MYO9A: variants seen among roughly 807,000 people sequenced by gnomAD.
The protein encoded by MYO9A is myosin IXA, also known as unconventional myosin-IXa.
In MYO9A, 103 loss-of-function variants were observed where a neutral mutation model predicts 293.3. The ratio of observed to expected loss-of-function variants is 0.35; its 90% CI spans 0.30 to 0.41. The LOEUF (loss-of-function observed/expected upper bound fraction) is 0.41, where lower values mean the gene tolerates loss of function less well. Among genes scored for constraint, MYO9A ranks in the 10% least tolerant of loss-of-function variants. The pLI, the probability that MYO9A is intolerant of heterozygous loss-of-function variation, is 1.00. For synonymous variants in MYO9A, 1,001 were observed against 1,035.7 expected (o/e 0.97, Z 0.64); for missense variants, 2,685 against 3,033.0 (o/e 0.89, Z 2.69).
intron 12 of MYO9A, among the ~76,000 whole-genome samples, chr15:71,974,729 A>G: frequency 6.6e-6 from 1 of 152,200 alleles, no homozygotes; most frequent in Non-Finnish European, 1.5e-5. Context: ...GAATGCAACT[A>G]CTACTTTTCC....
intron 1 of MYO9A, among the ~76,000 whole-genome samples, chr15:72,050,160 G>GCT (rs764767521): frequency 7.1e-6 from 1 of 141,002 alleles, no homozygotes; most frequent in Non-Finnish European, 1.6e-5. Context: ...TTTTTGTTTT[G>GCT]TTTTTTTTTT....
At chr15:71,900,834 G>A (rs574279954) in intron 23 of MYO9A, among the ~76,000 whole-genome samples, 76 of 152,234 alleles carry the variant, frequency 5.0e-4, no homozygotes, top group South Asian at 1.5e-3. Context: ...TCCAAAATGA[G>A]TGTCTAAAAC....
At chr15:72,008,029 G>A in intron 7 of MYO9A, 77 bp from the exon 8 acceptor site, 2 of 1,494,202 alleles carry the variant, frequency 1.3e-6, no homozygotes, top group Non-Finnish European at 1.8e-6. Flanking sequence ...TTCTAGTTAA[G>A]CAAATTAACC....
chr15:71,880,694 A>G (rs557105289), intron 28 of MYO9A, 136 bp from the exon 29 acceptor site: 7 of 746,990 alleles, frequency 9.4e-6, no homozygotes, highest in Non-Finnish European at 1.5e-5. Context: ...AGTAACATTA[A>G]TGTTTGAGGT....
intron 18 of MYO9A, among the ~76,000 whole-genome samples, chr15:71,916,904 A>G (rs2058026964): frequency 6.6e-6 from 1 of 152,206 alleles, no homozygotes; most frequent in Non-Finnish European, 1.5e-5. Context: ...GGCAGAGTGC[A>G]GAACATTTGT....
At chr15:72,101,893 G>T (rs909837913) in intron 1 of MYO9A, among the ~76,000 whole-genome samples, 1 of 151,956 alleles carries the variant, frequency 6.6e-6, no homozygotes, top group Non-Finnish European at 1.5e-5. Context: ...ACCGGCCAGC[G>T]GCCCCGCCCG....
chr15:71,969,321 A>G (rs1000660157), intron 12 of MYO9A, among the ~76,000 whole-genome samples: 7 of 152,236 alleles, frequency 4.6e-5, no homozygotes, highest in African/African-American at 1.7e-4. Flanking sequence ...AAAACTTTAA[A>G]GCCATTTTAC....
intron 39 of MYO9A, among the ~76,000 whole-genome samples, chr15:71,839,075 A>C (rs1346584795): frequency 6.6e-6 from 1 of 152,120 alleles, no homozygotes; most frequent in African/African-American, 2.4e-5. Flanking sequence ...TTTTTTGGTT[A>C]ATCTCTTTCC....
rs967283150 is a variant in MYO9A at position 71,904,787 on chromosome 15, T to C, written c.2766+139A>G. 1.5e-5 allele frequency: 7 copies of C among 466,502 alleles called. No individual in the cohort carries two copies. The Admixed American group carries it at 2.1e-4, about 14-fold the overall frequency. 28.9% of individuals were successfully genotyped at this position (466,502 alleles called of 1,614,324 possible). The stretch of plus-strand genomic sequence containing the variant: ...AGGCAGGGAAGTGTGGAAAAATCCA[T>C]TTAAAGTGTTTATAACATACTATTT... On this transcript the variant is annotated intron_variant, in intron 20 of 41. Coordinates refer to ENST00000356056, the MANE Select transcript of MYO9A (RefSeq NM_006901.4).
intron 16 of MYO9A, among the ~76,000 whole-genome samples, chr15:71,936,945 AAAAAG>A (rs2058658238): frequency 6.6e-6 from 1 of 151,674 alleles, no homozygotes; most frequent in African/African-American, 2.4e-5. Flanking sequence ...TAGAAAAAAA[AAAAAG>A]AAAACAAAAG....
rs774959431 is a variant in MYO9A at position 72,020,962 on chromosome 15, C to T, written c.1054G>A (p.Ala352Thr). ...TCCTCTGGTTGCTTAAGATGGAATG[C>T]TGATCTCTCATCTTCACTTGCTCCT... The part of the protein sequence containing the change: ...LAGASEDERS[A>T]FHLKQPEEYH... Residue 352 changes from alanine (A) to threonine (T), a missense_variant, in exon 5 of 42, where the codon GCA (alanine) becomes ACA (threonine). Physicochemically the swap from Ala to Thr is moderately conservative, Grantham distance 58. Around this residue, in one of 10 missense-constraint regions of MYO9A, gnomAD observed 289 missense variants for 456.8 expected, o/e 0.63. Transcript: ENST00000356056. 9 of 1,549,690 alleles carry T rather than the reference C, an allele frequency of 5.8e-6. No individual in the cohort carries two copies. The South Asian group carries it at 1.2e-4, about 20-fold the overall frequency.
chr15:71,966,023 T>C (rs898512504), intron 13 of MYO9A, among the ~76,000 whole-genome samples: 2 of 151,982 alleles, frequency 1.3e-5, no homozygotes, highest in Non-Finnish European at 2.9e-5. Flanking sequence ...ATTACAGGCG[T>C]GCACCACCAT....
At chr15:71,950,691 T>G (rs1567308186) in intron 15 of MYO9A, among the ~76,000 whole-genome samples, 1 of 152,222 alleles carries the variant, frequency 6.6e-6, no homozygotes, top group Non-Finnish European at 1.5e-5. Flanking sequence ...CACACTTTTG[T>G]TTTAACCAAG....
In MYO9A at chr15:71,960,114, C is replaced by T; in HGVS notation, c.1987-18G>A. The T allele has an allele frequency of 6.2e-7, 1 of 1,610,450 alleles. No homozygotes were observed. On this transcript the variant is annotated intron_variant, in intron 13 of 41. Transcript: ENST00000356056. ...CGGAAATCCTATATGAAAAAAGTAC[C>T]AGTGTTACTTATGGGAAAAAAAAAT...
intron 19 of MYO9A, among the ~76,000 whole-genome samples, chr15:71,913,953 G>T (rs2057934364): frequency 6.6e-6 from 1 of 152,114 alleles, no homozygotes. Flanking sequence ...ACCAGAAATT[G>T]TTAGGTCTAC....
intron 1 of MYO9A, among the ~76,000 whole-genome samples, chr15:72,094,640 A>C (rs2080018455): frequency 1.1e-5 from 1 of 91,476 alleles, no homozygotes. Context: ...CAGCCTCCCA[A>C]GTAGCTAGCA....
chr15:71,841,479 C>T (rs2141011351), intron 39 of MYO9A, among the ~76,000 whole-genome samples: 1 of 152,216 alleles, frequency 6.6e-6, no homozygotes, highest in East Asian at 1.9e-4. Context: ...TACGATTTTT[C>T]TCCACAGATC....
At chr15:72,012,046 A>T (rs1352482992) in intron 6 of MYO9A, among the ~76,000 whole-genome samples, 1 of 152,214 alleles carries the variant, frequency 6.6e-6, no homozygotes, top group African/African-American at 2.4e-5. Flanking sequence ...TTTACCATGT[A>T]CAAGAAAATC....
chr15:71,850,050 G>A lies in MYO9A; in HGVS notation c.6699C>T (p.Ile2233=). 1.2e-6 allele frequency: 2 copies of A among 1,613,956 alleles called. No individual in the cohort carries two copies. The highest frequency in any genetic ancestry group is 1.7e-6 in the Non-Finnish European group (2 of 1,179,880). The change falls in exon 38 of 42, where the codon ATC becomes ATT. Residue 2233 remains isoleucine (I), a synonymous_variant. Coordinates refer to ENST00000356056, the MANE Select transcript of MYO9A (RefSeq NM_006901.4). ...TTDPLQSVQD[I]SKTTTCVELI... Reference sequence around the variant, plus strand: ...ACTGGCCTTACGTGGTAGTCTTACTGATGTCCTGTACACTTTGTAGTGGGT... The same window carrying A: ...ACTGGCCTTACGTGGTAGTCTTACTAATGTCCTGTACACTTTGTAGTGGGT...
Sources: gnomAD v4.1 joint callset for allele counts (sites outside exome capture counted in the v4.1 genomes callset) on GRCh38, gnomAD v4.1.1 for gene constraint, gnomAD v4.1.1 regional missense constraint, MANE v1.5 for transcripts, NCBI Gene and HGNC (gene_info 2026-07-23, HGNC 2026-07-21) for gene names.